LINGO2: variants seen among roughly 807,000 people sequenced by gnomAD.
The protein encoded by LINGO2 is leucine rich repeat and Ig domain containing 2, also known as leucine-rich repeat and immunoglobulin-like domain-containing nogo receptor-interacting protein 2.
A neutral mutation model predicts 30.6 loss-of-function variants in LINGO2; 14 were observed. The ratio of observed to expected loss-of-function variants is 0.46; its 90% CI spans 0.30 to 0.72. LINGO2 has a LOEUF of 0.72. Among genes scored for constraint, LINGO2 ranks in the 30% least tolerant of loss-of-function variants. The pLI is 0.07. For synonymous variants in LINGO2, 317 were observed against 288.5 expected (o/e 1.10, Z -1.00); for missense variants, 729 against 751.7 (o/e 0.97, Z 0.35).
At chr9:28,486,328 G>A (rs1329349214) in intron 1 of LINGO2, among the ~76,000 whole-genome samples, 3 of 152,124 alleles carry the variant, frequency 2.0e-5, no homozygotes, top group African/African-American at 2.4e-5. Flanking sequence ...AATGTAGGTC[G>A]TTATGTTTGG....
intron 4 of LINGO2, chr9:28,149,071 A>G (rs1034733948): frequency 2.0e-6 from 3 of 1,534,140 alleles, no homozygotes; most frequent in East Asian, 2.4e-5. Flanking sequence ...CTCCTGAGGC[A>G]CTGTTGGTGG....
exon 6 of LINGO2, chr9:27,949,502 C>T (rs887954577): frequency 6.2e-7 from 1 of 1,613,994 alleles, no homozygotes; most frequent in African/African-American, 1.3e-5. Context: ...TGAAAGACCT[C>T]TCACGGATGG....
chr9:28,444,996 A>C (rs567432768), intron 2 of LINGO2, among the ~76,000 whole-genome samples: 2 of 152,226 alleles, frequency 1.3e-5, no homozygotes, highest in East Asian at 3.9e-4. Context: ...TGGTGAAGTG[A>C]CACCCCAAGG....
chr9:28,332,471 G>A (rs1426700396), intron 3 of LINGO2, among the ~76,000 whole-genome samples: 2 of 152,032 alleles, frequency 1.3e-5, no homozygotes, highest in Non-Finnish European at 2.9e-5. Context: ...CTTAATAGAG[G>A]CACACATATT....
chr9:28,691,008 A>G, the LINGO2 span, among the ~76,000 whole-genome samples: 1 of 152,216 alleles, frequency 6.6e-6, no homozygotes, highest in Non-Finnish European at 1.5e-5. Flanking sequence ...GAATGTGGGT[A>G]GGGGTTGATA....
rs763284293 is a variant in LINGO2 at position 27,981,534 on chromosome 9, C to CAAAAAAAAAAAAAA, written c.-36+30807_-36+30820dup. Among the ~76,000 whole-genome samples, 167 of 39,776 alleles carry CAAAAAAAAAAAAAA rather than the reference C, an allele frequency of 4.2e-3. 4 individuals carry two copies. The highest frequency in any genetic ancestry group is 6.8e-3 in the African/African-American group (80 of 11,766). The allele number at this position is 39,776 out of a possible 152,430, so 26.1% of individuals were successfully genotyped here. A position where few individuals can be genotyped will look rare whatever the true frequency, so the allele number is the denominator to read the frequency against. On this transcript the variant is annotated intron_variant, in intron 5 of 5. Transcript: ENST00000379992. ...ATGAAAGGATAAATGACGAGGATGG[C>CAAAAAAAAAAAAAA]AAAAAAAAAAAAAAAAGAAAAAAAA...
the LINGO2 span, among the ~76,000 whole-genome samples, chr9:28,752,242 G>A: frequency 1.3e-5 from 2 of 151,992 alleles, no homozygotes; most frequent in South Asian, 2.1e-4. Context: ...AACAAATACA[G>A]GTAGAATTAC....
rs371094240 is a variant in LINGO2, at chr9:28,019,198, A to C, written c.-86-6793T>G. 4.4e-4 allele frequency among the ~76,000 whole-genome samples: 67 copies of C among 152,272 alleles called. 1 individual carries two copies. The South Asian group carries it at 8.9e-3, about 20-fold the overall frequency. On this transcript the variant is annotated intron_variant, in intron 4 of 5. Transcript: ENST00000379992. ...TATGCTTTTACCTGAATGATGAAAT[A>C]AACTGCTCTCCAAACCCGTGACATG...
intron 1 of LINGO2, among the ~76,000 whole-genome samples, chr9:28,619,650 T>C: frequency 6.6e-6 from 1 of 152,126 alleles, no homozygotes; most frequent in Non-Finnish European, 1.5e-5. Flanking sequence ...TTCAATGTTG[T>C]TTAGGCTTTC....
At chr9:28,709,131 A>G in the LINGO2 span, among the ~76,000 whole-genome samples, 2 of 152,084 alleles carry the variant, frequency 1.3e-5, no homozygotes, top group African/African-American at 4.8e-5. Context: ...ATTCCTGAGA[A>G]CATCACCCTC....
intron 4 of LINGO2, among the ~76,000 whole-genome samples, chr9:28,035,292 C>A (rs895392367): frequency 2.6e-5 from 4 of 152,062 alleles, no homozygotes; most frequent in Non-Finnish European, 5.9e-5. Context: ...CCATATATTT[C>A]CTTATAGGAC....
chr9:28,182,175 C>T (rs1236907110), intron 4 of LINGO2, among the ~76,000 whole-genome samples: 1 of 152,166 alleles, frequency 6.6e-6, no homozygotes, highest in African/African-American at 2.4e-5. Flanking sequence ...CTACAACCAT[C>T]TGATCTTCGA....
intron 4 of LINGO2, among the ~76,000 whole-genome samples, chr9:28,026,953 T>C (rs542553420): frequency 2.0e-4 from 31 of 152,286 alleles, no homozygotes; most frequent in African/African-American, 7.2e-4. Flanking sequence ...CTCTCCTAAA[T>C]TTGCATGCAA....
the LINGO2 span, among the ~76,000 whole-genome samples, chr9:28,872,562 A>G: frequency 2.6e-5 from 4 of 152,158 alleles, no homozygotes; most frequent in African/African-American, 9.6e-5. Context: ...CTAGCTGTTC[A>G]TGGCAAAAAG....
At chr9:28,901,270 C>G in the LINGO2 span, among the ~76,000 whole-genome samples, 4 of 152,052 alleles carry the variant, frequency 2.6e-5, no homozygotes, top group African/African-American at 9.7e-5. Context: ...AAATAAAAAG[C>G]TAGAAAATTC....
intron 4 of LINGO2, among the ~76,000 whole-genome samples, chr9:28,254,859 T>C (rs1278132718): frequency 6.6e-6 from 1 of 152,114 alleles, no homozygotes; most frequent in African/African-American, 2.4e-5. Context: ...GATTATTTCA[T>C]CACCCAGGTA....
At chr9:28,997,771 C>A in the LINGO2 span, among the ~76,000 whole-genome samples, 1 of 151,646 alleles carries the variant, frequency 6.6e-6, no homozygotes, top group East Asian at 1.9e-4. Context: ...TGCAGTGAGC[C>A]GAGATCGTGC....
At chr9:28,455,995 C>T (rs2135095881) in intron 2 of LINGO2, among the ~76,000 whole-genome samples, 1 of 152,286 alleles carries the variant, frequency 6.6e-6, no homozygotes, top group South Asian at 2.1e-4. Context: ...AGTAGTACCA[C>T]TAACTTCCAT....
the LINGO2 span, among the ~76,000 whole-genome samples, chr9:28,733,520 G>A: frequency 9.9e-5 from 15 of 152,156 alleles, no homozygotes; most frequent in East Asian, 5.8e-4. Flanking sequence ...TTTCAGGTTC[G>A]AGATAAACGC....
Sources: gnomAD v4.1 joint callset for allele counts (sites outside exome capture counted in the v4.1 genomes callset) on GRCh38, gnomAD v4.1.1 for gene constraint, MANE v1.5 for transcripts, NCBI Gene and HGNC (gene_info 2026-07-23, HGNC 2026-07-21) for gene names.